Variants in TSPAN15 observed in about 807,000 individuals in gnomAD.
The protein encoded by TSPAN15 is tetraspanin 15, also known as tetraspanin-15.
In TSPAN15, 20 loss-of-function variants were observed where a neutral mutation model predicts 34.5. The observed-to-expected ratio is 0.58, with a 90% CI of 0.41 to 0.84. The LOEUF (loss-of-function observed/expected upper bound fraction) is 0.84, where lower values mean the gene tolerates loss of function less well. Ranked by LOEUF, TSPAN15 falls within the 40% of genes least tolerant of loss-of-function variation. The pLI is 0.00. For missense variants in TSPAN15, 313 were observed against 386.1 expected (o/e 0.81, Z 1.59); for synonymous variants, 155 against 153.9 (o/e 1.01, Z -0.05).
intron 1 of TSPAN15, among the ~76,000 whole-genome samples, chr10:69,459,974 G>GGA (rs1841211354): frequency 6.6e-6 from 1 of 151,734 alleles, no homozygotes; most frequent in Non-Finnish European, 1.5e-5. Context: ...ACGGAGGGAG[G>GGA]GAGAGTCACC....
chr10:69,451,706 A>G lies in TSPAN15; in HGVS notation c.96+16A>G. Reference sequence around the variant, plus strand: ...CGTGTTCTGGGTGAGTGACCCCAGTAGGGCCCGGGGATGGGGGTGGGGACC... The same window carrying G: ...CGTGTTCTGGGTGAGTGACCCCAGTGGGGCCCGGGGATGGGGGTGGGGACC... On this transcript the variant is annotated intron_variant, in intron 1 of 7. Transcript: ENST00000373290. The G allele has an allele frequency of 6.8e-7, 1 of 1,466,220 alleles. No individual in the cohort carries two copies. The highest frequency in any genetic ancestry group is 9.1e-7 in the Non-Finnish European group (1 of 1,100,696). The allele number at this position is 1,466,220 out of a possible 1,614,324, so 90.8% of individuals were successfully genotyped here. A position where few individuals can be genotyped will look rare whatever the true frequency, so the allele number is the denominator to read the frequency against.
chr10:69,499,147 A>G (rs906189120), intron 5 of TSPAN15, among the ~76,000 whole-genome samples: 1 of 152,182 alleles, frequency 6.6e-6, no homozygotes, highest in African/African-American at 2.4e-5. Context: ...GTGTTTGACA[A>G]ATGTGTCCAG....
chr10:69,498,159 T>G (rs908840390), intron 4 of TSPAN15, 121 bp from the exon 5 acceptor site: 1 of 823,162 alleles, frequency 1.2e-6, no homozygotes, highest in African/African-American at 1.7e-5. Context: ...GTACAGCCTC[T>G]CCCTGCCCCA....
At chr10:69,469,466 T>A (rs899687418) in intron 1 of TSPAN15, among the ~76,000 whole-genome samples, 1 of 152,166 alleles carries the variant, frequency 6.6e-6, no homozygotes, top group African/African-American at 2.4e-5. Flanking sequence ...TAGGCTCTTT[T>A]GAGACAGAGT....
At chr10:69,524,337 G>A in the TSPAN15 span, among the ~76,000 whole-genome samples, 1 of 147,458 alleles carries the variant, frequency 6.8e-6, no homozygotes, top group Admixed American at 7.0e-5. Flanking sequence ...GCATGGTGGT[G>A]CGCCTGTAAT....
chr10:69,467,847 C>T (rs10998802), intron 1 of TSPAN15, among the ~76,000 whole-genome samples: 60,555 of 151,842 alleles, frequency 0.4, 12,585 homozygotes, highest in Non-Finnish European at 0.45. Context: ...AATCAGGACC[C>T]AGCATCACAG....
At chr10:69,486,592 C>G (rs1032197328) in intron 3 of TSPAN15, among the ~76,000 whole-genome samples, 4 of 152,184 alleles carry the variant, frequency 2.6e-5, no homozygotes, top group African/African-American at 9.7e-5. Flanking sequence ...TCATGCACCC[C>G]TGTGCCCAGC....
the TSPAN15 span, among the ~76,000 whole-genome samples, chr10:69,527,837 GA>G: frequency 6.8e-6 from 1 of 147,806 alleles, no homozygotes; most frequent in African/African-American, 2.5e-5. Context: ...TGTGGGTGGG[GA>G]TAGGAAAATT....
chr10:69,485,682 G>A (rs138994322), intron 3 of TSPAN15, among the ~76,000 whole-genome samples: 254 of 152,198 alleles, frequency 1.7e-3, no homozygotes, highest in African/African-American at 5.9e-3. Flanking sequence ...TGTGGGAAGC[G>A]ATGTGACCCA....
intron 3 of TSPAN15, among the ~76,000 whole-genome samples, chr10:69,489,942 C>T (rs890509673): frequency 1.3e-5 from 2 of 152,224 alleles, no homozygotes; most frequent in African/African-American, 4.8e-5. Flanking sequence ...TCTGGGGCTT[C>T]TTGTGAGGGT....
At position 69,483,114 on chromosome 10, in the gene TSPAN15, G is replaced by A. The variant is rs1387580425; in HGVS notation, c.97-577G>A. Among the ~76,000 whole-genome samples, 6 of 152,064 alleles carry A rather than the reference G, an allele frequency of 3.9e-5. No individual in the cohort carries two copies. The South Asian group carries it at 8.3e-4, about 21-fold the overall frequency. Reference sequence around the variant, plus strand: ...CGCCATTCTCCTGCCTCAGCCTCCCGAATAGCTGGGACTACAGGTGCCCGC... The same window carrying A: ...CGCCATTCTCCTGCCTCAGCCTCCCAAATAGCTGGGACTACAGGTGCCCGC... On this transcript the variant is annotated intron_variant, in intron 1 of 7. Coordinates refer to ENST00000373290, the MANE Select transcript of TSPAN15 (RefSeq NM_012339.5).
chr10:69,457,685 G>A (rs763064065), intron 1 of TSPAN15, among the ~76,000 whole-genome samples: 1 of 152,188 alleles, frequency 6.6e-6, no homozygotes, highest in Non-Finnish European at 1.5e-5. Context: ...TAGTTTAATG[G>A]TTAAGAGTGT....
the TSPAN15 span, among the ~76,000 whole-genome samples, chr10:69,540,642 A>G: frequency 6.6e-6 from 1 of 152,058 alleles, no homozygotes. Context: ...CCTTGGTGAG[A>G]GTGAAGTCTG....
the TSPAN15 span, among the ~76,000 whole-genome samples, chr10:69,539,473 AAGG>A: frequency 3.4e-3 from 211 of 61,546 alleles, 1 homozygote; most frequent in East Asian, 0.011. Flanking sequence ...GGAGAAGGAG[AAGG>A]AGAAGGAGAA....
At chr10:69,521,596 TATATAAAATAAATACAATTAAAA>T in the TSPAN15 span, among the ~76,000 whole-genome samples, 1 of 147,178 alleles carries the variant, frequency 6.8e-6, no homozygotes, top group African/African-American at 2.5e-5. Flanking sequence ...AATAAATAAA[TATATAAAATAAATACAATTAAAA>T]ATAAAAGAAA....
Position 69,483,750 on chromosome 10 carries a change from T to C in TSPAN15, c.156T>C (p.Tyr52=). 1.2e-6 allele frequency: 2 copies of C among 1,614,192 alleles called. No homozygotes were observed. Among genetic ancestry groups the C allele is most frequent in the African/African-American group, 1.3e-5 (1 of 75,044 alleles). ...GIYAEVERQK[Y]KTLESAFLAP... ...ATGCAGAGGTTGAGCGGCAGAAATA[T>C]AAAACCCTTGAAAGTGCCTTCCTGG... Residue 52 remains tyrosine (Y), a synonymous_variant, in exon 2 of 8, where the codon TAT becomes TAC. Transcript: ENST00000373290.
At chr10:69,513,731 G>A in the TSPAN15 span, among the ~76,000 whole-genome samples, 1 of 152,196 alleles carries the variant, frequency 6.6e-6, no homozygotes, top group Admixed American at 6.5e-5. Flanking sequence ...TTAAGTCAAG[G>A]ATTCATTTTG....
At chr10:69,544,893 G>A in the TSPAN15 span, among the ~76,000 whole-genome samples, 1 of 152,152 alleles carries the variant, frequency 6.6e-6, no homozygotes, top group South Asian at 2.1e-4. Context: ...AGAGCAAATC[G>A]GCCTTCAAAA....
intron 1 of TSPAN15, among the ~76,000 whole-genome samples, chr10:69,455,630 C>CA (rs891018727): frequency 1.7e-5 from 2 of 114,828 alleles, no homozygotes; most frequent in African/African-American, 3.2e-5. Flanking sequence ...CTCTCTCCCC[C>CA]CCCCGTCTCT....
Sources: allele counts gnomAD v4.1 joint callset (sites outside exome capture counted in the v4.1 genomes callset), GRCh38; gene constraint gnomAD v4.1.1; transcripts MANE v1.5; gene names NCBI Gene and HGNC (gene_info 2026-07-23, HGNC 2026-07-21).